Variants in LRP1B observed in about 807,000 individuals in gnomAD.
LRP1B encodes the protein LDL receptor related protein 1B.
Under a neutral mutation model 556.6 loss-of-function variants are expected in LRP1B, and 217 were observed. The observed-to-expected ratio is 0.39, with a 90% CI of 0.35 to 0.44. The LOEUF (loss-of-function observed/expected upper bound fraction) is 0.44, where lower values mean the gene tolerates loss of function less well. LRP1B is among the 20% of genes least tolerant of loss of function. LRP1B has a pLI of 1.00. For synonymous variants in LRP1B, 2,047 were observed against 1,865.8 expected, an observed-to-expected ratio of 1.10 and a Z score of -2.50; for missense variants, 5,053 against 5,620.8, an observed-to-expected ratio of 0.90 and a Z score of 3.23.
chr2:141,529,001 G>A (rs1372327330), intron 2 of LRP1B, among the ~76,000 whole-genome samples: 1 of 152,212 alleles, frequency 6.6e-6, no homozygotes, highest in African/African-American at 2.4e-5. Flanking sequence ...AGATCTTAAC[G>A]TAGTATAATG....
chr2:140,796,559 G>T (rs1185167117), intron 32 of LRP1B, among the ~76,000 whole-genome samples: 1 of 151,992 alleles, frequency 6.6e-6, no homozygotes, highest in East Asian at 1.9e-4. Flanking sequence ...ACTTAGTGCT[G>T]GGCAAATTGC....
At chr2:140,493,717 C>T (rs915033588) in intron 56 of LRP1B, among the ~76,000 whole-genome samples, 19 of 151,484 alleles carry the variant, frequency 1.3e-4, no homozygotes, top group South Asian at 4.2e-4. Context: ...ATTGTTATAC[C>T]GTTATTGTCC....
rs750567005 is a variant in LRP1B, at chr2:140,370,776, T to C, written c.10942A>G (p.Ile3648Val). The C allele has an allele frequency of 1.2e-6, 2 of 1,612,754 alleles. No individual in the cohort carries two copies. The highest frequency in any genetic ancestry group is 2.2e-5 in the East Asian group (1 of 44,812). Residue 3648 changes from isoleucine (I) to valine (V), a missense_variant, in exon 71 of 91, where the codon ATT becomes GTT. Ile to Val is a conservative substitution (Grantham distance 29). This residue lies in a region of LRP1B where 599 missense variants were observed against 648.4 expected (regional missense o/e 0.92). Coordinates refer to ENST00000389484, the MANE Select transcript of LRP1B (RefSeq NM_018557.3). ...RCKNKAHCIP[I>V]RWLCDGIHDC... ...TGAATTCCATCACACAGCCATCTAATTGGAATACAGTGGGCTTTATTTTTG... is the reference window on the plus strand; with the variant it reads ...TGAATTCCATCACACAGCCATCTAACTGGAATACAGTGGGCTTTATTTTTG...
At chr2:141,780,056 A>T (rs184187125) in intron 2 of LRP1B, among the ~76,000 whole-genome samples, 1 of 150,220 alleles carries the variant, frequency 6.7e-6, no homozygotes, top group Admixed American at 6.7e-5. Context: ...TCTTCCCCAT[A>T]CTAGATAATT....
At chr2:140,608,461 G>T (rs1682949927) in intron 41 of LRP1B, among the ~76,000 whole-genome samples, 1 of 152,180 alleles carries the variant, frequency 6.6e-6, no homozygotes, top group Non-Finnish European at 1.5e-5. Flanking sequence ...CCTCTAACAA[G>T]AAGAGATCCA....
rs529033560 is a variant in LRP1B at position 141,506,149 on chromosome 2, A to G, written c.206-25616T>C. ...CATTCTTTCCATTGGAAAGACAGAC[A>G]TAACAGCTTTGTTAATGGATTTCTT... On this transcript the variant is annotated intron_variant, in intron 2 of 90. Transcript: ENST00000389484. 3.9e-5 allele frequency among the ~76,000 whole-genome samples: 6 copies of G among 152,274 alleles called. No individual in the cohort carries two copies. In the South Asian group the frequency reaches 1.2e-3, roughly 32 times the overall value.
chr2:140,415,963 A>G (rs2105256679), intron 66 of LRP1B, among the ~76,000 whole-genome samples: 1 of 152,294 alleles, frequency 6.6e-6, no homozygotes, highest in East Asian at 1.9e-4. Flanking sequence ...CCTGTGCAAT[A>G]CATTTGCATC....
At chr2:141,737,964 T>TC (rs1321564636) in intron 2 of LRP1B, among the ~76,000 whole-genome samples, 1 of 152,110 alleles carries the variant, frequency 6.6e-6, no homozygotes, top group Admixed American at 6.6e-5. Context: ...ACGTCTTTAA[T>TC]CTAGTTTTAA....
chr2:142,121,141 C>A (rs1208793304), intron 1 of LRP1B, among the ~76,000 whole-genome samples: 1 of 152,130 alleles, frequency 6.6e-6, no homozygotes, highest in African/African-American at 2.4e-5. Context: ...ACTAAAAATG[C>A]AAATCTCTGT....
Position 140,639,242 on chromosome 2 carries a change from G to T in LRP1B, c.6800-37603C>A, listed in dbSNP as rs1360883239. Among the ~76,000 whole-genome samples, 3 of 152,018 alleles carry T rather than the reference G, an allele frequency of 2.0e-5. No homozygotes were observed. The East Asian group carries it at 5.8e-4, about 29-fold the overall frequency. On this transcript the variant is annotated intron_variant, in intron 41 of 90. Coordinates refer to ENST00000389484, the MANE Select transcript of LRP1B (RefSeq NM_018557.3). ...TAAGTACCACTCCAAAAAAATCTTT[G>T]TAGAAAATATTATGGATAGAACTTC...
At chr2:141,717,285 G>A (rs192735759) in intron 2 of LRP1B, among the ~76,000 whole-genome samples, 22 of 152,242 alleles carry the variant, frequency 1.4e-4, no homozygotes, top group Admixed American at 1.3e-3. Context: ...TTGAGTTGCT[G>A]AAAAAGTCAA....
At chr2:140,919,203 T>C (rs909511449) in intron 21 of LRP1B, among the ~76,000 whole-genome samples, 4 of 152,262 alleles carry the variant, frequency 2.6e-5, no homozygotes, top group Middle Eastern at 3.4e-3. Flanking sequence ...TTCATTTTCC[T>C]CTCTGACTTT....
intron 1 of LRP1B, among the ~76,000 whole-genome samples, chr2:142,016,986 ATG>A (rs1437499449): frequency 1.3e-5 from 2 of 150,714 alleles, no homozygotes; most frequent in African/African-American, 2.5e-5. Flanking sequence ...ACATATATGT[ATG>A]TGTGTGTGTA....
chr2:140,525,349 T>C (rs1476294373), intron 49 of LRP1B, among the ~76,000 whole-genome samples: 1 of 151,938 alleles, frequency 6.6e-6, no homozygotes. Flanking sequence ...TATGTAAAGA[T>C]GGTTAACAGT....
intron 7 of LRP1B, among the ~76,000 whole-genome samples, chr2:141,173,634 A>G (rs1680604021): frequency 6.6e-6 from 1 of 152,094 alleles, no homozygotes. Context: ...CTGCATGTCA[A>G]TAAGGAAACA....
At chr2:141,661,405 C>T (rs550620432) in intron 2 of LRP1B, among the ~76,000 whole-genome samples, 6 of 152,224 alleles carry the variant, frequency 3.9e-5, no homozygotes, top group South Asian at 4.1e-4. Flanking sequence ...CATGCTCTAA[C>T]CCAATGCAAA....
intron 43 of LRP1B, among the ~76,000 whole-genome samples, chr2:140,550,211 G>T (rs1004064555): frequency 9.9e-5 from 15 of 151,980 alleles, no homozygotes; most frequent in Non-Finnish European, 2.1e-4. Context: ...GGAGTATTTT[G>T]GCATTGAACT....
chr2:141,695,325 T>G (rs772610403), intron 2 of LRP1B, among the ~76,000 whole-genome samples: 1 of 151,994 alleles, frequency 6.6e-6, no homozygotes, highest in Non-Finnish European at 1.5e-5. Flanking sequence ...AGTTTTATTC[T>G]GTCCTCTTGT....
chr2:141,171,431 C>T (rs974397635), intron 7 of LRP1B, among the ~76,000 whole-genome samples: 1 of 152,008 alleles, frequency 6.6e-6, no homozygotes, highest in Non-Finnish European at 1.5e-5. Context: ...ATATTTAGTT[C>T]CTTTAAATTT....
Sources: allele counts gnomAD v4.1 joint callset (sites outside exome capture counted in the v4.1 genomes callset), GRCh38; gene constraint gnomAD v4.1.1; regional missense constraint gnomAD v4.1.1; transcripts MANE v1.5; gene names NCBI Gene and HGNC (gene_info 2026-07-23, HGNC 2026-07-21).